Variants in COQ9 observed in about 807,000 individuals in gnomAD.
The protein encoded by COQ9 is ubiquinone biosynthesis protein COQ9, mitochondrial.
A neutral mutation model predicts 42.4 loss-of-function variants in COQ9; 35 were observed. The observed-to-expected ratio is 0.83, with a 90% CI of 0.63 to 1.10. The LOEUF is 1.10. COQ9 is among the 50% of genes least tolerant of loss of function. COQ9 has a pLI of 0.00. For missense variants in COQ9, 406 were observed against 414.6 expected, an observed-to-expected ratio of 0.98 and a Z score of 0.18; for synonymous variants, 155 against 155.1, an observed-to-expected ratio of 1.00 and a Z score of 0.00.
rs1239635279 is a variant in COQ9 at position 57,459,556 on chromosome 16, T to C, written c.712-9T>C. On this transcript the variant is annotated splice_polypyrimidine_tract_variant and intron_variant, in intron 6 of 8. Transcript: ENST00000262507. ...CCAGCCCACAGCGGTAGTGTGGGTT[T>C]CTTTACAGTTTAACTGGTACACCCG... 3 of 1,614,078 alleles carry C rather than the reference T, an allele frequency of 1.9e-6. No homozygotes were observed. In the South Asian group the frequency reaches 3.3e-5, roughly 18 times the overall value.
intron 2 of COQ9, among the ~76,000 whole-genome samples, chr16:57,451,575 T>G (rs2030289808): frequency 6.6e-6 from 1 of 152,240 alleles, no homozygotes; most frequent in Non-Finnish European, 1.5e-5. Context: ...TAAAGCAGTT[T>G]TATCCAAAAT....
chr16:57,456,454 T>C (rs1394536159), intron 3 of COQ9, 50 bp from the exon 4 acceptor site: 1 of 1,605,924 alleles, frequency 6.2e-7, no homozygotes, highest in African/African-American at 1.3e-5. Context: ...GCAACAAATG[T>C]ACCCTACACT....
Position 57,460,742 on chromosome 16 carries a change from C to A in COQ9, c.*118C>A. ...GTGTTCACGAGAACACACTAAAGGACTCCTGAGTCACTACCACAGCCACCT... is the reference window on the plus strand; with the variant it reads ...GTGTTCACGAGAACACACTAAAGGAATCCTGAGTCACTACCACAGCCACCT... On this transcript the variant is annotated 3_prime_UTR_variant, in exon 9 of 9. Coordinates refer to ENST00000262507, the MANE Select transcript of COQ9 (RefSeq NM_020312.4). 1.1e-6 allele frequency: 1 copy of A among 945,474 alleles called. No individual in the cohort carries two copies. Among genetic ancestry groups the A allele is most frequent in the Non-Finnish European group, 1.7e-6 (1 of 593,818 alleles). The allele number at this position is 945,474 out of a possible 1,614,324, so 58.6% of individuals were successfully genotyped here.
rs201097286 is a variant in COQ9 at position 57,456,592 on chromosome 16, G to A, written c.467G>A (p.Arg156Gln). The change falls in exon 4 of 9, where the codon CGG (arginine) becomes CAG (glutamine). Residue 156 changes from arginine to glutamine, a missense_variant. Physicochemically the swap from Arg to Gln is conservative, Grantham distance 43 (BLOSUM62 1). Transcript: ENST00000262507. The stretch of plus-strand genomic sequence containing the variant: ...CATTTTGTGACCCAGTGCAATACCC[G>A]GCTCACACGTGTGCTAGAAGAGGAG... ...ILHFVTQCNT[R>Q]LTRVLEEEQK... 9.9e-5 allele frequency: 159 copies of A among 1,614,128 alleles called. 4 individuals carry two copies. Among genetic ancestry groups the A allele is most frequent in the South Asian group, 9.0e-4 (82 of 91,076 alleles).
Position 57,460,098 on chromosome 16 carries a change from A to C in COQ9, c.915A>C (p.Ala305=), listed in dbSNP as rs756608060. 17 of 1,614,168 alleles carry C rather than the reference A, an allele frequency of 1.1e-5. No homozygotes were observed. Among genetic ancestry groups the C allele is most frequent in the Non-Finnish European group, 1.3e-5 (15 of 1,180,028 alleles). The change falls in exon 8 of 9, where the codon GCA becomes GCC. Residue 305 remains alanine (A), a synonymous_variant. Coordinates refer to ENST00000262507, the MANE Select transcript of COQ9 (RefSeq NM_020312.4). The part of the protein sequence containing the change: ...EALVQGLMGA[A]VTLKNLTGLN... The stretch of plus-strand genomic sequence containing the variant: ...TGGTGCAAGGACTCATGGGTGCAGC[A>C]GTGACGGTGAGTACTGCCCAGCACA...
chr16:57,459,921 C>A, intron 7 of COQ9, 130 bp from the exon 8 acceptor site: 1 of 1,024,592 alleles, frequency 9.8e-7, no homozygotes, highest in Non-Finnish European at 1.5e-6. Flanking sequence ...TTGTCCAAAG[C>A]TCTCCTTCCA....
Position 57,459,602 on chromosome 16 carries a change from T to C in COQ9, c.749T>C (p.Ile250Thr). The change falls in exon 7 of 9, where the codon ATC becomes ACC. Residue 250 changes from isoleucine to threonine, a missense_variant. Coordinates refer to ENST00000262507, the MANE Select transcript of COQ9 (RefSeq NM_020312.4). ...WYTRRAMLAA[I>T]YNTTELVMMQ... ...ACCCGCCGAGCCATGCTGGCTGCCA[T>C]CTACAACACAACAGAGCTGGTGATG... 6.2e-7 allele frequency: 1 copy of C among 1,614,144 alleles called. No individual in the cohort carries two copies. The highest frequency in any genetic ancestry group is 1.1e-5 in the South Asian group (1 of 91,084).
At chr16:57,451,971 A>C (rs1310626733) in intron 2 of COQ9, among the ~76,000 whole-genome samples, 2 of 152,192 alleles carry the variant, frequency 1.3e-5, no homozygotes, top group African/African-American at 4.8e-5. Context: ...AGGTAATACT[A>C]ATTTACATTT....
chr16:57,448,918 C>T (rs1282854640), intron 1 of COQ9, among the ~76,000 whole-genome samples: 3 of 152,084 alleles, frequency 2.0e-5, no homozygotes, highest in African/African-American at 7.2e-5. Flanking sequence ...TTATGGAATA[C>T]TATTCTGCAA....
intron 1 of COQ9, among the ~76,000 whole-genome samples, chr16:57,449,993 A>G (rs771616892): frequency 1.1e-4 from 17 of 152,380 alleles, no homozygotes; most frequent in Non-Finnish European, 2.1e-4. Context: ...GAGGTGAATA[A>G]TACTGATATC....
chr16:57,451,955 C>T (rs965618059), intron 2 of COQ9, among the ~76,000 whole-genome samples: 11 of 152,172 alleles, frequency 7.2e-5, no homozygotes, highest in Non-Finnish European at 1.6e-4. Flanking sequence ...CAGTTGCCCT[C>T]CAGAAAGGTA....
chr16:57,447,669 C>T, intron 1 of COQ9, 91 bp downstream of exon 1: 1 of 1,097,396 alleles, frequency 9.1e-7, no homozygotes, highest in Non-Finnish European at 1.2e-6. Flanking sequence ...GGGAAGAGGC[C>T]GTTGGGGCGG....
At chr16:57,454,320 G>A (rs2030354231) in intron 3 of COQ9, 1 of 152,216 alleles carries the variant, frequency 6.6e-6, no homozygotes, top group African/African-American at 2.4e-5. Flanking sequence ...AAGAAAACAT[G>A]TTGCCTGTTA....
Position 57,451,181 on chromosome 16 carries a change from A to T in COQ9, c.215A>T (p.Asp72Val). 1 of 1,614,146 alleles carries T rather than the reference A, an allele frequency of 6.2e-7. No individual in the cohort carries two copies. The highest frequency in any genetic ancestry group is 8.5e-7 in the Non-Finnish European group (1 of 1,180,020). ...GAGACACAGGGGGCAGAAAAACCTG[A>T]TCCAGAGTCTTCTCATTCACCCCCC... Reference protein sequence around the residue: ...HSETQGAEKPDPESSHSPPRY... With the variant: ...HSETQGAEKPVPESSHSPPRY... Residue 72 changes from aspartate to valine, a missense_variant, in exon 2 of 9, where the codon GAT becomes GTT. Physicochemically the swap from Asp to Val is radical, Grantham distance 152. Transcript: ENST00000262507.
chr16:57,450,761 A>T, intron 1 of COQ9: 2 of 508,286 alleles, frequency 3.9e-6, no homozygotes, highest in Non-Finnish European at 7.1e-6. Context: ...AAAAATCTGC[A>T]CATTGGGGTG....
intron 1 of COQ9, among the ~76,000 whole-genome samples, chr16:57,450,633 A>G (rs2030263254): frequency 6.6e-6 from 1 of 152,128 alleles, no homozygotes; most frequent in Non-Finnish European, 1.5e-5. Context: ...ACTATTCCAG[A>G]GCTCTTGCCA....
intron 3 of COQ9, among the ~76,000 whole-genome samples, chr16:57,454,547 A>G (rs2030358927): frequency 6.6e-6 from 1 of 152,128 alleles, no homozygotes; most frequent in East Asian, 1.9e-4. Flanking sequence ...GGTCCCAGCT[A>G]CCTGGGAGGC....
intron 3 of COQ9, 124 bp from the exon 4 acceptor site, chr16:57,456,380 C>T: frequency 7.8e-6 from 9 of 1,153,502 alleles, no homozygotes; most frequent in South Asian, 1.2e-5. Flanking sequence ...TCACCAAAAT[C>T]ACATGGACCC....
chr16:57,456,543 A>G lies in COQ9; in HGVS notation c.418A>G (p.Lys140Glu). Residue 140 changes from lysine to glutamate, a missense_variant, in exon 4 of 9, where the codon AAG becomes GAG. Physicochemically the swap from Lys to Glu is moderately conservative, Grantham distance 56 (BLOSUM62 1). Coordinates refer to ENST00000262507, the MANE Select transcript of COQ9 (RefSeq NM_020312.4). ...LSSAAASMFGKDGSELILHFV... is the reference protein window; with the variant it reads ...LSSAAASMFGEDGSELILHFV... ...CAGTGCAGCAGCCAGCATGTTCGGG[A>G]AGGATGGCAGTGAGCTAATACTGCA... The G allele has an allele frequency of 6.2e-7, 1 of 1,614,136 alleles. No homozygotes were observed. The highest frequency in any genetic ancestry group is 8.5e-7 in the Non-Finnish European group (1 of 1,180,018).
Sources: gnomAD v4.1 joint callset for allele counts (sites outside exome capture counted in the v4.1 genomes callset) on GRCh38, gnomAD v4.1.1 for gene constraint, MANE v1.5 for transcripts, NCBI Gene and HGNC (gene_info 2026-07-23, HGNC 2026-07-21) for gene names.